Variants in SLC45A2 observed in about 807,000 individuals in gnomAD.
The protein encoded by SLC45A2 is solute carrier family 45 member 2.
A neutral mutation model predicts 45.5 loss-of-function variants in SLC45A2; 36 were observed. The ratio of observed to expected loss-of-function variants is 0.79; its 90% CI spans 0.61 to 1.04. The LOEUF (loss-of-function observed/expected upper bound fraction) is 1.04. SLC45A2 is among the 50% of genes least tolerant of loss of function. The probability of loss-of-function intolerance (pLI) is 0.00; values close to 1 mark genes in which losing one functional copy is unlikely to be tolerated. For missense variants in SLC45A2, 719 were observed against 671.0 expected, an observed-to-expected ratio of 1.07 and a Z score of -0.79; for synonymous variants, 306 against 269.3, an observed-to-expected ratio of 1.14 and a Z score of -1.33.
At position 33,961,165 on chromosome 5, in the gene SLC45A2, A is replaced by G. The variant is rs141821415; in HGVS notation, c.888+2526T>C. 3.3e-3 allele frequency among the ~76,000 whole-genome samples: 498 copies of G among 152,280 alleles called. 2 individuals carry two copies. The highest frequency in any genetic ancestry group is 0.011 in the African/African-American group (469 of 41,552). On this transcript the variant is annotated intron_variant, in intron 3 of 6. Transcript: ENST00000296589. ...AGCACACAGTGCAACTCATTCCAAG[A>G]CATCTTATTATTCACCCAAATAAAC...
chr5:33,969,456 T>A (rs958491091), intron 2 of SLC45A2, among the ~76,000 whole-genome samples: 1 of 152,194 alleles, frequency 6.6e-6, no homozygotes, highest in African/African-American at 2.4e-5. Flanking sequence ...CTACCTCTAA[T>A]CCTGGCATCC....
chr5:33,975,933 C>T (rs1752918098), intron 2 of SLC45A2, among the ~76,000 whole-genome samples: 1 of 152,110 alleles, frequency 6.6e-6, no homozygotes, highest in South Asian at 2.1e-4. Context: ...TGTCTTGAAA[C>T]AAACAAGAGC....
At chr5:33,951,038 A>G (rs988886646) in intron 5 of SLC45A2, among the ~76,000 whole-genome samples, 4 of 152,168 alleles carry the variant, frequency 2.6e-5, no homozygotes, top group African/African-American at 9.7e-5. Flanking sequence ...AGGCTCAGAA[A>G]AGCTGGCACC....
intron 2 of SLC45A2, among the ~76,000 whole-genome samples, chr5:33,981,997 C>T (rs1209666958): frequency 6.6e-6 from 1 of 152,252 alleles, no homozygotes; most frequent in African/African-American, 2.4e-5. Flanking sequence ...TTGTAATTGT[C>T]TCCACAAAGC....
At chr5:33,947,049 G>A in intron 6 of SLC45A2, 114 bp downstream of exon 6, 26 of 1,609,644 alleles carry the variant, frequency 1.6e-5, no homozygotes, top group Non-Finnish European at 2.2e-5. Context: ...TTTGACTGTT[G>A]CTGTTTCAAG....
intron 2 of SLC45A2, among the ~76,000 whole-genome samples, chr5:33,973,214 A>T (rs565554597): frequency 2.6e-5 from 4 of 152,314 alleles, no homozygotes; most frequent in African/African-American, 9.6e-5. Flanking sequence ...CACTTCTCTA[A>T]TCTGACTTGG....
rs556200524 is a variant in SLC45A2, at chr5:33,978,778, C to T, written c.562+3458G>A. ...ATATAAAACCAAGCTATAACTCAAACAACTTGGGCAACTGTTCTGAGGACC... is the reference window on the plus strand; with the variant it reads ...ATATAAAACCAAGCTATAACTCAAATAACTTGGGCAACTGTTCTGAGGACC... On this transcript the variant is annotated intron_variant, in intron 2 of 6. Coordinates refer to ENST00000296589, the MANE Select transcript of SLC45A2 (RefSeq NM_016180.5). Among the ~76,000 whole-genome samples, 20 of 152,318 alleles carry T rather than the reference C, an allele frequency of 1.3e-4. No homozygotes were observed. The South Asian group carries it at 3.7e-3, about 28-fold the overall frequency.
intron 4 of SLC45A2, among the ~76,000 whole-genome samples, chr5:33,953,966 C>T (rs886719209): frequency 2.1e-4 from 29 of 136,304 alleles, no homozygotes; most frequent in Non-Finnish European, 1.6e-5. Flanking sequence ...ACAAAGAAGG[C>T]CATTACATAA....
At chr5:33,954,778 G>C (rs1752227602) in intron 3 of SLC45A2, among the ~76,000 whole-genome samples, 2 of 152,274 alleles carry the variant, frequency 1.3e-5, no homozygotes, top group South Asian at 4.1e-4. Context: ...CCAAGGTGTA[G>C]GAGACATTGA....
chr5:33,953,412 T>C (rs1286723881), intron 4 of SLC45A2, among the ~76,000 whole-genome samples: 6 of 150,248 alleles, frequency 4.0e-5, no homozygotes, highest in Admixed American at 3.3e-4. Context: ...TGATATCTCA[T>C]AGTGGTTTTG....
At chr5:33,958,030 T>G (rs1195433009) in intron 3 of SLC45A2, among the ~76,000 whole-genome samples, 2 of 152,188 alleles carry the variant, frequency 1.3e-5, no homozygotes, top group Non-Finnish European at 2.9e-5. Context: ...TCAATGATTC[T>G]GAAACCTTGG....
At chr5:33,959,058 T>G (rs993071787) in intron 3 of SLC45A2, among the ~76,000 whole-genome samples, 5 of 152,238 alleles carry the variant, frequency 3.3e-5, no homozygotes, top group African/African-American at 1.2e-4. Flanking sequence ...ATTATTTGAT[T>G]ACTTTTTCCC....
chr5:33,952,203 C>T lies in SLC45A2; in HGVS notation c.1033-526G>A, dbSNP rs372495480. ...GTACAGCGGCACAGTCATAGGTCAC[C>T]GCATCCTTGAACCCCTGGCCTCAAA... On this transcript the variant is annotated intron_variant, in intron 4 of 6. Coordinates refer to ENST00000296589, the MANE Select transcript of SLC45A2 (RefSeq NM_016180.5). 1.8e-4 allele frequency among the ~76,000 whole-genome samples: 27 copies of T among 152,046 alleles called. No individual in the cohort carries two copies. The East Asian group carries it at 2.3e-3, about 13-fold the overall frequency.
At chr5:33,970,898 C>T (rs1397113249) in intron 2 of SLC45A2, 3 of 369,842 alleles carry the variant, frequency 8.1e-6, no homozygotes, top group African/African-American at 4.3e-5. Flanking sequence ...TTCAGGACTA[C>T]AGCAAGAAGC....
chr5:33,971,334 G>A (rs1272103794), intron 2 of SLC45A2: 1 of 512,312 alleles, frequency 2.0e-6, no homozygotes, highest in Non-Finnish European at 3.9e-6. Context: ...CCAACTTGTA[G>A]GAATAATACC....
At chr5:33,964,062 T>C (rs370928254) in intron 2 of SLC45A2, 46 bp from the exon 3 acceptor site, 7 of 1,589,634 alleles carry the variant, frequency 4.4e-6, no homozygotes, top group Non-Finnish European at 6.0e-6. Flanking sequence ...CAAATTATCG[T>C]TCATTTTCCT....
intron 1 of SLC45A2, among the ~76,000 whole-genome samples, chr5:33,982,926 C>T (rs772890051): frequency 3.3e-5 from 5 of 152,242 alleles, no homozygotes; most frequent in Non-Finnish European, 7.3e-5. Flanking sequence ...CTTTTACGCA[C>T]TTCTGCACAT....
chr5:33,982,225 A>T lies in SLC45A2; in HGVS notation c.562+11T>A. ...GGAGCTGAAGGAGAGACTTTCTGGA[A>T]TATTCCCTACCTGTGAAGAGGGCAT... On this transcript the variant is annotated intron_variant, in intron 2 of 6. Coordinates refer to ENST00000296589, the MANE Select transcript of SLC45A2 (RefSeq NM_016180.5). 1 of 1,613,888 alleles carries T rather than the reference A, an allele frequency of 6.2e-7. No individual in the cohort carries two copies. Among genetic ancestry groups the T allele is most frequent in the Non-Finnish European group, 8.5e-7 (1 of 1,179,838 alleles).
chr5:33,984,679 G>A lies in SLC45A2; in HGVS notation c.-96C>T, dbSNP rs775752972. ...TGGATTTGACGTGGAGCCTGGCCGA[G>A]CAACCAACAGAGATGGTCAGGCTGG... On this transcript the variant is annotated 5_prime_UTR_variant, in exon 1 of 7. Coordinates refer to ENST00000296589, the MANE Select transcript of SLC45A2 (RefSeq NM_016180.5). 1.3e-5 allele frequency: 20 copies of A among 1,538,590 alleles called. No homozygotes were observed. The highest frequency in any genetic ancestry group is 1.8e-5 in the Non-Finnish European group (20 of 1,129,038).
Sources: gnomAD v4.1 joint callset for allele counts (sites outside exome capture counted in the v4.1 genomes callset) on GRCh38, gnomAD v4.1.1 for gene constraint, MANE v1.5 for transcripts, NCBI Gene and HGNC (gene_info 2026-07-23, HGNC 2026-07-21) for gene names.